KIFC3: variants seen among roughly 807,000 people sequenced by gnomAD.
The protein encoded by KIFC3 is kinesin-like protein KIFC3.
Under a neutral mutation model 101.8 loss-of-function variants are expected in KIFC3, and 60 were observed. The ratio of observed to expected loss-of-function variants is 0.59; its 90% CI spans 0.48 to 0.73. The LOEUF (loss-of-function observed/expected upper bound fraction) is 0.73. KIFC3 is among the 30% of genes least tolerant of loss of function. KIFC3 has a pLI of 0.00. For missense variants in KIFC3, 966 were observed against 1,137.1 expected (o/e 0.85, Z 2.16); for synonymous variants, 476 against 482.7 (o/e 0.99, Z 0.18).
At chr16:57,794,444 G>A (rs1174953587) in intron 3 of KIFC3, among the ~76,000 whole-genome samples, 6 of 151,228 alleles carry the variant, frequency 4.0e-5, no homozygotes, top group Admixed American at 2.0e-4. Context: ...CAGGCTGGTC[G>A]TGAACTCCTG....
chr16:57,810,573 T>G (rs2055046990), intron 1 of KIFC3: 1 of 775,456 alleles, frequency 1.3e-6, no homozygotes, highest in Admixed American at 6.3e-5. Flanking sequence ...TTCCAGTGGC[T>G]TCCATCTGCC....
chr16:57,758,851 G>A lies in KIFC3; in HGVS notation c.*83C>T. ...GCTGCAGCAGGGACAGGCCAGTGAG[G>A]GCCCAGCTTCAGGCCCAGCGGGGTC... On this transcript the variant is annotated 3_prime_UTR_variant, in exon 20 of 20. Coordinates refer to ENST00000445690, the MANE Select transcript of KIFC3 (RefSeq NM_001130100.2). The A allele has an allele frequency of 6.2e-7, 1 of 1,609,510 alleles. No homozygotes were observed. The highest frequency in any genetic ancestry group is 8.5e-7 in the Non-Finnish European group (1 of 1,178,114).
At chr16:57,790,078 C>CTTTTTTTTTTTTTT (rs782291808) in intron 3 of KIFC3, among the ~76,000 whole-genome samples, 2 of 94,088 alleles carry the variant, frequency 2.1e-5, no homozygotes, top group Admixed American at 1.4e-4. Flanking sequence ...TTCTTTCTTT[C>CTTTTTTTTTTTTTT]TTTTTTTTTT....
At chr16:57,848,602 C>A (rs187729839) in intron 1 of KIFC3, among the ~76,000 whole-genome samples, 1 of 152,246 alleles carries the variant, frequency 6.6e-6, no homozygotes, top group African/African-American at 2.4e-5. Context: ...CCACTCCAGC[C>A]TGATAGACAG....
At chr16:57,788,428 G>T in intron 3 of KIFC3, 2 of 598,426 alleles carry the variant, frequency 3.3e-6, no homozygotes, top group African/African-American at 1.9e-5. Flanking sequence ...CTGGGGGATT[G>T]CAGCTGCGGA....
Position 57,759,768 on chromosome 16 carries a change from A to G in KIFC3, c.2436T>C (p.Ser812=), listed in dbSNP as rs1555593938. 1.2e-6 allele frequency: 2 copies of G among 1,611,218 alleles called. No homozygotes were observed. The highest frequency in any genetic ancestry group is 2.2e-5 in the East Asian group (1 of 44,812). Reference sequence around the variant, plus strand: ...TCCTCCGGATGGATCCAGGGCGGCTACTGGTCCCAGAGCTGGGGGCTGAGT... The same window carrying G: ...TCCTCCGGATGGATCCAGGGCGGCTGCTGGTCCCAGAGCTGGGGGCTGAGT... ...RAHSAPSSGT[S]SRPGSIRRKL... Residue 812 remains serine (S), a synonymous_variant, in exon 18 of 20, where the codon AGT becomes AGC. Transcript: ENST00000445690.
intron 2 of KIFC3, among the ~76,000 whole-genome samples, chr16:57,797,009 C>T (rs1481528294): frequency 6.6e-6 from 1 of 152,246 alleles, no homozygotes; most frequent in Non-Finnish European, 1.5e-5. Flanking sequence ...TCCCCAGGCC[C>T]CTGGGTCATC....
chr16:57,790,898 C>T (rs2053815053), intron 3 of KIFC3: 12 of 985,146 alleles, frequency 1.2e-5, no homozygotes, highest in Admixed American at 6.1e-5. Flanking sequence ...CGACCCAGAG[C>T]TCCACTTGAG....
In KIFC3 at chr16:57,764,219, G is replaced by A. The variant is rs1555600610; in HGVS notation, c.1541C>T (p.Thr514Ile). The A allele has an allele frequency of 3.1e-6, 5 of 1,595,602 alleles. No homozygotes were observed. In the Admixed American group the frequency reaches 6.7e-5, roughly 21 times the overall value. ...GACATTGAAGCCATCAATGCAAGAGGTGACCAGGGCCTGCACCTCCTGGAA... is the reference window on the plus strand; with the variant it reads ...GACATTGAAGCCATCAATGCAAGAGATGACCAGGGCCTGCACCTCCTGGAA... ...DVFQEVQALV[T>I]SCIDGFNVCI... The change falls in exon 12 of 20, where the codon ACC becomes ATC. Residue 514 changes from threonine (T) to isoleucine (I), a missense_variant. Around this residue, in one of 2 missense-constraint regions of KIFC3, gnomAD observed 689 missense variants for 884.6 expected, o/e 0.78. Coordinates refer to ENST00000445690, the MANE Select transcript of KIFC3 (RefSeq NM_001130100.2).
At chr16:57,838,101 C>A (rs1305900898) in intron 1 of KIFC3, among the ~76,000 whole-genome samples, 1 of 152,164 alleles carries the variant, frequency 6.6e-6, no homozygotes, top group East Asian at 1.9e-4. Context: ...AATCACCTTT[C>A]ATCTTCTGAA....
Position 57,765,510 on chromosome 16 carries a change from A to G in KIFC3, c.1461T>C (p.Pro487=). 6.3e-7 allele frequency: 1 copy of G among 1,591,920 alleles called. No individual in the cohort carries two copies. Among genetic ancestry groups the G allele is most frequent in the Non-Finnish European group, 8.6e-7 (1 of 1,168,128 alleles). ...SIIHLLHKGK[P]VSFELDKVFS... ...AGACCTTGTCCAGCTCGAAGGACACAGGCTTGCCCTTGTGCAGCAGGTGGA... is the reference window on the plus strand; with the variant it reads ...AGACCTTGTCCAGCTCGAAGGACACGGGCTTGCCCTTGTGCAGCAGGTGGA... Residue 487 remains proline, a synonymous_variant, in exon 11 of 20, where the codon CCT becomes CCC. Transcript: ENST00000445690.
chr16:57,790,929 C>T (rs1248972929), intron 3 of KIFC3: 4 of 985,192 alleles, frequency 4.1e-6, no homozygotes, highest in Non-Finnish European at 4.8e-6. Flanking sequence ...GGCAGACACA[C>T]CTCTTATATT....
At chr16:57,844,352 C>T (rs1043731418) in intron 1 of KIFC3, among the ~76,000 whole-genome samples, 7 of 151,182 alleles carry the variant, frequency 4.6e-5, no homozygotes, top group Non-Finnish European at 1.5e-5. Flanking sequence ...ATTGCTTGAA[C>T]CCGGGAGGCG....
chr16:57,771,145 C>A, intron 6 of KIFC3, 53 bp downstream of exon 6: 2 of 1,598,268 alleles, frequency 1.3e-6, no homozygotes, highest in South Asian at 1.1e-5. Flanking sequence ...TAGCCCTGCC[C>A]CAGGTGCCAG....
At chr16:57,793,605 CAAA>C (rs58651568) in intron 3 of KIFC3, among the ~76,000 whole-genome samples, 1 of 135,866 alleles carries the variant, frequency 7.4e-6, no homozygotes, top group Non-Finnish European at 1.6e-5. Context: ...AAAAAAAAAA[CAAA>C]AAAAGAGTTC....
rs782311070 is a variant in KIFC3 at position 57,765,491 on chromosome 16, T to C, written c.1480A>G (p.Lys494Glu). 1 of 1,588,448 alleles carries C rather than the reference T, an allele frequency of 6.3e-7. No homozygotes were observed. The highest frequency in any genetic ancestry group is 8.6e-7 in the Non-Finnish European group (1 of 1,166,270). ...TGCGAGGCCTGTGGGGAGAAGACCT[T>C]GTCCAGCTCGAAGGACACAGGCTTG... is the stretch of plus-strand genomic sequence containing the variant. ...KGKPVSFELD[K>E]VFSPQASQQD... The change falls in exon 11 of 20, where the codon AAG becomes GAG. Residue 494 changes from lysine to glutamate, a missense_variant. Physicochemically the swap from Lys to Glu is moderately conservative, Grantham distance 56. Around this residue, in one of 2 missense-constraint regions of KIFC3, gnomAD observed 689 missense variants for 884.6 expected, o/e 0.78. Transcript: ENST00000445690.
intron 9 of KIFC3, 39 bp from the exon 10 acceptor site, chr16:57,767,024 C>T: frequency 6.4e-7 from 1 of 1,557,868 alleles, no homozygotes; most frequent in Non-Finnish European, 8.8e-7. Flanking sequence ...GGGACGGCTC[C>T]ATCAGCCTTA....
At chr16:57,783,232 GA>G (rs1338348676) in intron 3 of KIFC3, among the ~76,000 whole-genome samples, 1 of 152,200 alleles carries the variant, frequency 6.6e-6, no homozygotes, top group Non-Finnish European at 1.5e-5. Flanking sequence ...GAAATGTTCA[GA>G]AAAGACAAAT....
At chr16:57,818,788 A>G (rs2055287040) in intron 1 of KIFC3, among the ~76,000 whole-genome samples, 1 of 152,174 alleles carries the variant, frequency 6.6e-6, no homozygotes, top group Admixed American at 6.5e-5. Context: ...GGTCAATGCC[A>G]TTGCTGTGTT....
Sources: gnomAD v4.1 joint callset for allele counts (sites outside exome capture counted in the v4.1 genomes callset) on GRCh38, gnomAD v4.1.1 for gene constraint, gnomAD v4.1.1 regional missense constraint, MANE v1.5 for transcripts, NCBI Gene and HGNC (gene_info 2026-07-23, HGNC 2026-07-21) for gene names.